Variants in ELAVL2 observed in about 807,000 individuals in gnomAD.
ELAVL2 encodes the protein ELAV-like protein 2.
In ELAVL2, 4 loss-of-function variants were observed where a neutral mutation model predicts 34.6. The observed-to-expected ratio is 0.12, with a 90% confidence interval of 0.06 to 0.26. The LOEUF is 0.26. ELAVL2 is among the 10% of genes least tolerant of loss of function. The pLI is 1.00. For synonymous variants in ELAVL2, 193 were observed against 154.8 expected, an observed-to-expected ratio of 1.25 and a Z score of -1.83; for missense variants, 432 against 442.8, an observed-to-expected ratio of 0.98 and a Z score of 0.22.
chr9:23,754,347 G>A (rs570773803), intron 2 of ELAVL2, among the ~76,000 whole-genome samples: 7 of 152,238 alleles, frequency 4.6e-5, no homozygotes, highest in South Asian at 4.1e-4. Flanking sequence ...TAAAGAAGCA[G>A]CTCTTTGATT....
At chr9:23,747,909 C>G (rs950139411) in intron 2 of ELAVL2, among the ~76,000 whole-genome samples, 1 of 151,960 alleles carries the variant, frequency 6.6e-6, no homozygotes, top group Non-Finnish European at 1.5e-5. Context: ...GATATAAGAC[C>G]TAAATTTTTT....
the ELAVL2 span, among the ~76,000 whole-genome samples, chr9:23,832,678 T>C: frequency 6.6e-6 from 1 of 152,162 alleles, no homozygotes; most frequent in Non-Finnish European, 1.5e-5. Flanking sequence ...CTTAGAAACA[T>C]TTATAAAAAG....
intron 1 of ELAVL2, among the ~76,000 whole-genome samples, chr9:23,812,926 T>C (rs971419774): frequency 6.6e-6 from 1 of 152,134 alleles, no homozygotes; most frequent in African/African-American, 2.4e-5. Context: ...TTTATGGGCA[T>C]TGTTCCATCC....
At chr9:23,849,846 A>C in the ELAVL2 span, 2 of 151,820 alleles carry the variant, frequency 1.3e-5, no homozygotes, top group African/African-American at 4.8e-5. Flanking sequence ...TCCCCTTCAA[A>C]CCACCCACAG....
chr9:23,764,269 G>C (rs927772032), intron 1 of ELAVL2, among the ~76,000 whole-genome samples: 2 of 152,282 alleles, frequency 1.3e-5, no homozygotes, highest in East Asian at 3.9e-4. Flanking sequence ...CATTGGGATA[G>C]CATTTGAAAT....
chr9:23,818,126 T>A (rs1056682745), intron 1 of ELAVL2, among the ~76,000 whole-genome samples: 1 of 152,196 alleles, frequency 6.6e-6, no homozygotes, highest in African/African-American at 2.4e-5. Context: ...CGGTGAAGAC[T>A]TCTACACCTG....
intron 3 of ELAVL2, among the ~76,000 whole-genome samples, chr9:23,725,482 A>G (rs1265152860): frequency 6.6e-6 from 1 of 152,194 alleles, no homozygotes; most frequent in Admixed American, 6.6e-5. Flanking sequence ...ACTGGGTGGC[A>G]AGCCCTTAGC....
In ELAVL2 at chr9:23,693,072, T is replaced by C. The variant is rs893226824; in HGVS notation, c.753-188A>G. Among the ~76,000 whole-genome samples the C allele has an allele frequency of 2.6e-5, 4 of 152,216 alleles. No individual in the cohort carries two copies. The South Asian group carries it at 8.3e-4, about 32-fold the overall frequency. ...GCTTTGCAGTGACATGCTAGACTAC[T>C]GAGATATTAATAAGTTATGAAATGA... On this transcript the variant is annotated intron_variant, in intron 6 of 6. Transcript: ENST00000397312.
intron 1 of ELAVL2, among the ~76,000 whole-genome samples, chr9:23,779,624 G>T (rs1176760733): frequency 6.6e-6 from 1 of 152,038 alleles, no homozygotes; most frequent in African/African-American, 2.4e-5. Context: ...GTTAAAATCT[G>T]AAGGTAATCA....
intron 1 of ELAVL2, among the ~76,000 whole-genome samples, chr9:23,808,326 T>C (rs1398091535): frequency 6.6e-6 from 1 of 152,140 alleles, no homozygotes; most frequent in East Asian, 1.9e-4. Flanking sequence ...AACTCTAAGT[T>C]TCATATCAGC....
chr9:23,695,947 G>C (rs1000156562), intron 5 of ELAVL2, among the ~76,000 whole-genome samples: 37 of 152,264 alleles, frequency 2.4e-4, no homozygotes, highest in African/African-American at 8.4e-4. Context: ...GGCATCCCCA[G>C]ACAGGAGGTT....
intron 3 of ELAVL2, among the ~76,000 whole-genome samples, chr9:23,728,113 T>G (rs569605442): frequency 8.0e-6 from 1 of 125,486 alleles, no homozygotes; most frequent in Admixed American, 7.9e-5. Context: ...CTTGGCTAAA[T>G]TGTATGACCA....
At chr9:23,848,001 T>C in the ELAVL2 span, among the ~76,000 whole-genome samples, 1 of 152,156 alleles carries the variant, frequency 6.6e-6, no homozygotes, top group South Asian at 2.1e-4. Flanking sequence ...AATAAAGTTG[T>C]TTTTCTCCAC....
intron 1 of ELAVL2, among the ~76,000 whole-genome samples, chr9:23,795,375 C>G (rs1012258041): frequency 1.3e-5 from 2 of 152,078 alleles, no homozygotes; most frequent in Admixed American, 6.5e-5. Flanking sequence ...AAAATCCCAT[C>G]TCTACTAAAA....
At chr9:23,704,096 C>A (rs563396969) in intron 4 of ELAVL2, among the ~76,000 whole-genome samples, 1 of 137,170 alleles carries the variant, frequency 7.3e-6, no homozygotes, top group East Asian at 2.2e-4. Context: ...TCACACCCAG[C>A]TAATTTTGTA....
chr9:23,696,365 G>GTTACAGT (rs1212899156), intron 5 of ELAVL2, among the ~76,000 whole-genome samples: 1 of 152,194 alleles, frequency 6.6e-6, no homozygotes, highest in Non-Finnish European at 1.5e-5. Context: ...AACACAGGCA[G>GTTACAGT]TTGTAAGAGA....
At chr9:23,765,114 C>A in intron 1 of ELAVL2, 1 of 1,581,700 alleles carries the variant, frequency 6.3e-7, no homozygotes, top group East Asian at 2.3e-5. Flanking sequence ...AATATGGACA[C>A]AAAAAGTACC....
chr9:23,770,238 G>A (rs1380137377), intron 1 of ELAVL2, among the ~76,000 whole-genome samples: 1 of 152,158 alleles, frequency 6.6e-6, no homozygotes, highest in African/African-American at 2.4e-5. Flanking sequence ...AGAAGAATAA[G>A]GGGGGTTGAA....
intron 2 of ELAVL2, among the ~76,000 whole-genome samples, chr9:23,740,252 T>C (rs1484934262): frequency 6.6e-6 from 1 of 152,118 alleles, no homozygotes; most frequent in East Asian, 1.9e-4. Flanking sequence ...ATCAAGCAAC[T>C]AGGATCCTTA....
Sources: allele counts gnomAD v4.1 joint callset (sites outside exome capture counted in the v4.1 genomes callset), GRCh38; gene constraint gnomAD v4.1.1; transcripts MANE v1.5; gene names NCBI Gene and HGNC (gene_info 2026-07-23, HGNC 2026-07-21).